SLC26A7: variants seen among roughly 807,000 people sequenced by gnomAD.
The protein encoded by SLC26A7 is solute carrier family 26 member 7, also known as anion exchange transporter.
Under a neutral mutation model 82.5 loss-of-function variants are expected in SLC26A7, and 59 were observed. The ratio of observed to expected loss-of-function variants is 0.72; its 90% CI spans 0.58 to 0.89. The LOEUF (loss-of-function observed/expected upper bound fraction) is 0.89, where lower values mean the gene tolerates loss of function less well. Ranked by LOEUF, SLC26A7 falls within the 40% of genes least tolerant of loss-of-function variation. SLC26A7 has a pLI of 0.00. For synonymous variants in SLC26A7, 271 were observed against 274.3 expected (o/e 0.99, Z 0.12); for missense variants, 820 against 793.0 (o/e 1.03, Z -0.41).
At chr8:91,302,669 A>G (rs569259937) in intron 4 of SLC26A7, among the ~76,000 whole-genome samples, 3 of 152,238 alleles carry the variant, frequency 2.0e-5, no homozygotes, top group Admixed American at 6.5e-5. Flanking sequence ...CAATAAAAAT[A>G]TCTGTAATTT....
chr8:91,373,679 A>G (rs1814427895), intron 15 of SLC26A7, among the ~76,000 whole-genome samples: 2 of 151,902 alleles, frequency 1.3e-5, no homozygotes, highest in Non-Finnish European at 2.9e-5. Flanking sequence ...ATTGGCCTTT[A>G]GTACTACTTT....
intron 2 of SLC26A7, among the ~76,000 whole-genome samples, chr8:91,273,263 T>A (rs1811319230): frequency 6.6e-6 from 1 of 152,210 alleles, no homozygotes; most frequent in African/African-American, 2.4e-5. Flanking sequence ...CTACAGGACC[T>A]CTTGTTATCC....
In SLC26A7 at chr8:91,234,829, T is replaced by TACCTACC. The variant is rs1563637514; in HGVS notation, c.-33-14790_-33-14789insACCTACC. Among the ~76,000 whole-genome samples, 3 of 78,484 alleles carry TACCTACC rather than the reference T, an allele frequency of 3.8e-5. No homozygotes were observed. The South Asian group carries it at 1.9e-3, about 51-fold the overall frequency. 51.5% of individuals were successfully genotyped at this position (78,484 alleles called of 152,430 possible). ...CCTACCTACCTACCTACCTACCTAC[T>TACCTACC]TCCTTCCTTCCTTCCTTCCTTCCTT... is the stretch of plus-strand genomic sequence containing the variant. On this transcript the variant is annotated intron_variant, in intron 2 of 5. Transcript: ENST00000522862.
intron 15 of SLC26A7, among the ~76,000 whole-genome samples, chr8:91,387,246 T>A (rs900517335): frequency 1.3e-5 from 2 of 152,222 alleles, no homozygotes; most frequent in Admixed American, 6.5e-5. Flanking sequence ...GGGCATATTA[T>A]ACCTGAAAAT....
chr8:91,282,222 G>A (rs1004466173), intron 2 of SLC26A7, among the ~76,000 whole-genome samples: 1 of 152,138 alleles, frequency 6.6e-6, no homozygotes, highest in South Asian at 2.1e-4. Flanking sequence ...CTGTTCAAGG[G>A]AAGGCAGATT....
intron 15 of SLC26A7, among the ~76,000 whole-genome samples, chr8:91,382,932 G>A (rs1037299008): frequency 1.3e-5 from 2 of 152,250 alleles, no homozygotes; most frequent in Admixed American, 1.3e-4. Flanking sequence ...GTTGAGGCCC[G>A]TATGGGAGAC....
Position 91,352,888 on chromosome 8 carries a change from G to A in SLC26A7, c.1219-13G>A, listed in dbSNP as rs16912443. 0.031 allele frequency: 48,546 copies of A among 1,577,590 alleles called. 887 individuals carry two copies. Among genetic ancestry groups the A allele is most frequent in the Non-Finnish European group, 0.035 (40,575 of 1,161,324 alleles). ...TTATGTTGCTTCTTCTTCAACTTAC[G>A]TTTTATTTCTAGTGTGTCCTTGCAA... is the stretch of plus-strand genomic sequence containing the variant. On this transcript the variant is annotated splice_polypyrimidine_tract_variant and intron_variant, in intron 10 of 18. Coordinates refer to ENST00000276609, the MANE Select transcript of SLC26A7 (RefSeq NM_052832.4).
rs549127937 is a variant in SLC26A7, at chr8:91,318,634, A to C, written c.642+254A>C. Among the ~76,000 whole-genome samples the C allele has an allele frequency of 1.6e-4, 24 of 152,238 alleles. No homozygotes were observed. In the East Asian group the frequency reaches 3.7e-3, roughly 23 times the overall value. ...TTGGGGGCATAATTAGAAAAAAAAA[A>C]CCTGAATTTTTTGTGAGCCAGGTAT... On this transcript the variant is annotated intron_variant, in intron 5 of 18. Coordinates refer to ENST00000276609, the MANE Select transcript of SLC26A7 (RefSeq NM_052832.4).
At chr8:91,338,382 A>T (rs1283570816) in intron 7 of SLC26A7, 150 bp downstream of exon 7, 2 of 513,628 alleles carry the variant, frequency 3.9e-6, no homozygotes, top group Non-Finnish European at 6.6e-6. Context: ...CTTCATGTGT[A>T]GAGAAAGAGT....
At chr8:91,292,001 G>A (rs28639498) in intron 3 of SLC26A7, among the ~76,000 whole-genome samples, 14,893 of 152,050 alleles carry the variant, frequency 0.098, 1,020 homozygotes, top group Non-Finnish European at 0.15. Context: ...AGGATTCTTT[G>A]GGTCATTAAA....
chr8:91,286,906 C>T (rs1337120249), intron 2 of SLC26A7, among the ~76,000 whole-genome samples: 3 of 151,768 alleles, frequency 2.0e-5, no homozygotes, highest in African/African-American at 7.3e-5. Flanking sequence ...TTTTGAGGTA[C>T]GTGTGTGGGG....
intron 2 of SLC26A7, among the ~76,000 whole-genome samples, chr8:91,231,943 G>A (rs1278980053): frequency 6.6e-6 from 1 of 151,894 alleles, no homozygotes; most frequent in Non-Finnish European, 1.5e-5. Context: ...CATAGTGATG[G>A]GTCTTTGTGT....
chr8:91,347,436 T>C (rs999626144), intron 9 of SLC26A7, among the ~76,000 whole-genome samples: 2 of 152,176 alleles, frequency 1.3e-5, no homozygotes, highest in African/African-American at 4.8e-5. Context: ...AGTCAAAATA[T>C]TATCATTTTA....
chr8:91,356,451 G>A (rs939412470), intron 11 of SLC26A7, among the ~76,000 whole-genome samples: 2 of 152,006 alleles, frequency 1.3e-5, no homozygotes, highest in South Asian at 2.1e-4. Context: ...TCTCATTGTG[G>A]TTTTGATTTG....
At chr8:91,221,665 A>G (rs1316198613) in intron 2 of SLC26A7, among the ~76,000 whole-genome samples, 1 of 152,050 alleles carries the variant, frequency 6.6e-6, no homozygotes, top group Non-Finnish European at 1.5e-5. Context: ...AGGTTTGTCA[A>G]AGATCAGATG....
upstream of SLC26A7, among the ~76,000 whole-genome samples, chr8:91,247,144 A>G (rs1270770097): frequency 6.6e-6 from 1 of 152,250 alleles, no homozygotes. Context: ...ACTGAAATTC[A>G]AACATATCAG....
chr8:91,214,889 GT>G (rs1219506690), intron 1 of SLC26A7, among the ~76,000 whole-genome samples: 1 of 151,794 alleles, frequency 6.6e-6, no homozygotes, highest in African/African-American at 2.4e-5. Context: ...TGCAGGCTGG[GT>G]TTCCATCTGG....
intron 2 of SLC26A7, among the ~76,000 whole-genome samples, chr8:91,261,647 T>C (rs1006360763): frequency 3.3e-5 from 5 of 152,050 alleles, no homozygotes; most frequent in African/African-American, 1.2e-4. Flanking sequence ...TATTATATGA[T>C]GTAGAATTTT....
chr8:91,355,622 GT>G (rs1480066091), intron 11 of SLC26A7, among the ~76,000 whole-genome samples: 1 of 150,680 alleles, frequency 6.6e-6, no homozygotes, highest in Non-Finnish European at 1.5e-5. Flanking sequence ...TGTTTTTCTG[GT>G]TTTTGTTGAT....
Sources: allele counts gnomAD v4.1 joint callset (sites outside exome capture counted in the v4.1 genomes callset), GRCh38; gene constraint gnomAD v4.1.1; transcripts MANE v1.5; gene names NCBI Gene and HGNC (gene_info 2026-07-23, HGNC 2026-07-21).